The following NDUFC2 variants were observed in gnomAD, a reference collection of about 807,000 sequenced individuals.
NDUFC2 encodes the protein NADH dehydrogenase [ubiquinone] 1 subunit C2.
A neutral mutation model predicts 10.1 loss-of-function variants in NDUFC2; 2 were observed. The ratio of observed to expected loss-of-function variants is 0.20; its 90% confidence interval spans 0.08 to 0.62. The LOEUF is 0.62. Among genes scored for constraint, NDUFC2 ranks in the 20% least tolerant of loss-of-function variants. The pLI, the probability that NDUFC2 is intolerant of heterozygous loss-of-function variation, is 0.87. For missense variants in NDUFC2, 156 were observed against 159.6 expected (o/e 0.98, Z 0.12); for synonymous variants, 61 against 63.6 (o/e 0.96, Z 0.20).
intron 1 of NDUFC2, among the ~76,000 whole-genome samples, chr11:78,073,664 T>C (rs1590780904): frequency 6.6e-6 from 1 of 151,600 alleles, no homozygotes; most frequent in Non-Finnish European, 1.5e-5. Context: ...CAGCCAGATG[T>C]GGTGGTGGGC....
intron 1 of NDUFC2, 49 bp from the exon 2 acceptor site, chr11:78,073,190 G>A (rs1210049080): frequency 6.2e-7 from 1 of 1,608,932 alleles, no homozygotes; most frequent in Non-Finnish European, 8.5e-7. Context: ...TAGTCCATGT[G>A]TATTAAGAGT....
chr11:78,079,539 C>T (rs1859418832), intron 1 of NDUFC2, 40 bp downstream of exon 1: 1 of 1,543,718 alleles, frequency 6.5e-7, no homozygotes, highest in Non-Finnish European at 8.7e-7. Context: ...GCCCTACGAC[C>T]CCTTCTCCTC....
chr11:78,071,585 T>C lies in NDUFC2; in HGVS notation c.310+1413A>G, dbSNP rs556575289. On this transcript the variant is annotated intron_variant, in intron 2 of 2. Transcript: ENST00000281031. ...GGGAAACCAAAAAAAACTGTCGTAGTAGTTAAACTCCCAGCCTACAGATAC... is the reference window on the plus strand; with the variant it reads ...GGGAAACCAAAAAAAACTGTCGTAGCAGTTAAACTCCCAGCCTACAGATAC... 2.0e-5 allele frequency among the ~76,000 whole-genome samples: 3 copies of C among 152,344 alleles called. No homozygotes were observed. In the South Asian group the frequency reaches 6.2e-4, roughly 32 times the overall value.
chr11:78,079,621 G>T lies in NDUFC2; in HGVS notation c.124C>A (p.Leu42Met). ...CTCCGCCGGATTAGGTTATCAATCA[G>T]GCCGGAGCAGTAGCCCAAGAAGCCG... ...YIGFLGYCSGLIDNLIRRRPI... is the reference protein window; with the variant it reads ...YIGFLGYCSGMIDNLIRRRPI... Residue 42 changes from leucine (L) to methionine (M), a missense_variant, in exon 1 of 3, where the codon CTG (leucine) becomes ATG (methionine). Transcript: ENST00000281031. 1.9e-6 allele frequency: 3 copies of T among 1,569,162 alleles called. No homozygotes were observed. Among genetic ancestry groups the T allele is most frequent in the Non-Finnish European group, 2.6e-6 (3 of 1,157,628 alleles).
At chr11:78,073,873 T>C (rs1859131178) in intron 1 of NDUFC2, among the ~76,000 whole-genome samples, 1 of 145,692 alleles carries the variant, frequency 6.9e-6, no homozygotes, top group Admixed American at 6.9e-5. Context: ...ACACCCTACA[T>C]ATTCTTTTTT....
chr11:78,073,757 G>A (rs565927247), intron 1 of NDUFC2, among the ~76,000 whole-genome samples: 132 of 141,904 alleles, frequency 9.3e-4, no homozygotes, highest in African/African-American at 3.3e-3. Context: ...AGCCGAGATC[G>A]CGCCGTTGCA....
chr11:78,078,560 A>G (rs1859348997), intron 1 of NDUFC2, among the ~76,000 whole-genome samples: 1 of 152,002 alleles, frequency 6.6e-6, no homozygotes, highest in Admixed American at 6.6e-5. Flanking sequence ...GGTTATTATC[A>G]GAATAGTCAG....
At chr11:78,077,998 T>C (rs1056041081) in intron 1 of NDUFC2, among the ~76,000 whole-genome samples, 5 of 152,200 alleles carry the variant, frequency 3.3e-5, no homozygotes, top group Non-Finnish European at 7.3e-5. Context: ...GACTCCTTTC[T>C]GAAGTGAGGA....
At chr11:78,076,220 A>C (rs652984) in intron 1 of NDUFC2, among the ~76,000 whole-genome samples, 131,321 of 151,844 alleles carry the variant, frequency 0.86, 56,927 homozygotes, top group African/African-American at 0.9. Context: ...CGGCTCACTG[A>C]AATCTCCACC....
At chr11:78,072,950 A>G (rs1565331635) in intron 2 of NDUFC2, 48 bp downstream of exon 2, 1 of 1,591,726 alleles carries the variant, frequency 6.3e-7, no homozygotes, top group Admixed American at 1.9e-5. Context: ...TAACCAGGGA[A>G]AATAATAATA....
In NDUFC2 at chr11:78,069,843, G is replaced by C. The variant is rs755988645; in HGVS notation, c.*144C>G. On this transcript the variant is annotated 3_prime_UTR_variant, in exon 3 of 3. Coordinates refer to ENST00000281031, the MANE Select transcript of NDUFC2 (RefSeq NM_004549.6). ...GAACTATTTTTCTTACAACAATAAA[G>C]AGTCAGAGTACTCATGGTACGTATT... 9 of 1,545,026 alleles carry C rather than the reference G, an allele frequency of 5.8e-6. No individual in the cohort carries two copies. Among genetic ancestry groups the C allele is most frequent in the Non-Finnish European group, 6.2e-6 (7 of 1,131,626 alleles).
chr11:78,069,897 A>G lies in NDUFC2; in HGVS notation c.*90T>C, dbSNP rs746617503. 1.9e-6 allele frequency: 3 copies of G among 1,612,988 alleles called. No individual in the cohort carries two copies. The African/African-American group carries it at 4.0e-5, about 22-fold the overall frequency. On this transcript the variant is annotated 3_prime_UTR_variant, in exon 3 of 3. Coordinates refer to ENST00000281031, the MANE Select transcript of NDUFC2 (RefSeq NM_004549.6). ...ATTACAAGGTGTCAACATACAGATTAGCATAAGCTTCAACTGTCATAAGAA... is the reference window on the plus strand; with the variant it reads ...ATTACAAGGTGTCAACATACAGATTGGCATAAGCTTCAACTGTCATAAGAA...
At chr11:78,075,466 C>A (rs1054074095) in intron 1 of NDUFC2, among the ~76,000 whole-genome samples, 1 of 152,100 alleles carries the variant, frequency 6.6e-6, no homozygotes, top group African/African-American at 2.4e-5. Flanking sequence ...CCACATGTAC[C>A]CCCAAAATAC....
intron 1 of NDUFC2, among the ~76,000 whole-genome samples, chr11:78,076,541 C>G (rs1415342118): frequency 6.6e-6 from 1 of 152,216 alleles, no homozygotes; most frequent in Admixed American, 6.5e-5. Context: ...ACCATTTCAA[C>G]AAAGTCCTAG....
At position 78,069,705 on chromosome 11, in the gene NDUFC2, G is replaced by A. The variant is rs901551665; in HGVS notation, c.*282C>T. The A allele has an allele frequency of 3.2e-6, 2 of 622,672 alleles. No individual in the cohort carries two copies. The highest frequency in any genetic ancestry group is 5.5e-6 in the Non-Finnish European group (2 of 362,402). 38.6% of individuals were successfully genotyped at this position (622,672 alleles called of 1,614,324 possible). A position where few individuals can be genotyped will look rare whatever the true frequency, so the allele number is the denominator to read the frequency against. Reference sequence around the variant, plus strand: ...AATGAGCATGGCTGTGTTCCAATGAGACTTTATTGGCAGTGGGCCAGATTT... The same window carrying A: ...AATGAGCATGGCTGTGTTCCAATGAAACTTTATTGGCAGTGGGCCAGATTT... On this transcript the variant is annotated 3_prime_UTR_variant, in exon 3 of 3. Transcript: ENST00000281031.
At chr11:78,074,124 C>T (rs552977517) in intron 1 of NDUFC2, among the ~76,000 whole-genome samples, 1 of 151,920 alleles carries the variant, frequency 6.6e-6, no homozygotes, top group Admixed American at 6.6e-5. Context: ...AAGCGATCCC[C>T]CTGCCTCAGC....
chr11:78,072,203 A>G (rs947824630), intron 2 of NDUFC2, among the ~76,000 whole-genome samples: 1 of 151,958 alleles, frequency 6.6e-6, no homozygotes, highest in Non-Finnish European at 1.5e-5. Context: ...TTTGAGACAC[A>G]GTCTTGCTGT....
At chr11:78,070,113 A>T (rs1858934861) in intron 2 of NDUFC2, 77 bp from the exon 3 acceptor site, 1 of 1,033,412 alleles carries the variant, frequency 9.7e-7, no homozygotes, top group East Asian at 2.6e-5. Context: ...GAAAATTAAC[A>T]CTCACTAATC....
At chr11:78,070,857 C>T (rs963186738) in intron 2 of NDUFC2, among the ~76,000 whole-genome samples, 3 of 152,160 alleles carry the variant, frequency 2.0e-5, no homozygotes, top group South Asian at 2.1e-4. Context: ...AGAGAATGAG[C>T]CCTGAAGCTA....
Sources: gnomAD v4.1 joint callset for allele counts (sites outside exome capture counted in the v4.1 genomes callset) on GRCh38, gnomAD v4.1.1 for gene constraint, MANE v1.5 for transcripts, NCBI Gene and HGNC (gene_info 2026-07-23, HGNC 2026-07-21) for gene names.